PAG1: variants seen among roughly 807,000 people sequenced by gnomAD.
PAG1 encodes phosphoprotein membrane anchor with glycosphingolipid microdomains 1.
A neutral mutation model predicts 31.7 loss-of-function variants in PAG1; 23 were observed. The ratio of observed to expected loss-of-function variants is 0.73; its 90% CI spans 0.52 to 1.03. The LOEUF is 1.03. PAG1 is among the 50% of genes least tolerant of loss of function. The pLI, the probability that PAG1 is intolerant of heterozygous loss-of-function variation, is 0.00. For synonymous variants in PAG1, 214 were observed against 210.3 expected (o/e 1.02, Z -0.15); for missense variants, 473 against 540.7 (o/e 0.87, Z 1.24).
intron 1 of PAG1, among the ~76,000 whole-genome samples, chr8:81,075,999 A>C (rs1809170276): frequency 6.6e-6 from 1 of 152,220 alleles, no homozygotes; most frequent in African/African-American, 2.4e-5. Context: ...CAATGAAATG[A>C]GCCATCCTGA....
chr8:81,084,936 A>C (rs1227628731), intron 1 of PAG1, among the ~76,000 whole-genome samples: 1 of 152,250 alleles, frequency 6.6e-6, no homozygotes, highest in Non-Finnish European at 1.5e-5. Flanking sequence ...CTTTTTTTAC[A>C]GTTCAACATG....
intron 3 of PAG1, among the ~76,000 whole-genome samples, chr8:80,995,599 A>T (rs1807657522): frequency 1.3e-5 from 2 of 152,388 alleles, no homozygotes; most frequent in African/African-American, 2.4e-5. Flanking sequence ...ACATTTTAGG[A>T]ATCACAGACA....
At chr8:81,012,467 T>C (rs903125192) in intron 3 of PAG1, among the ~76,000 whole-genome samples, 7 of 152,260 alleles carry the variant, frequency 4.6e-5, no homozygotes, top group Admixed American at 3.9e-4. Context: ...ATTTGTATCT[T>C]GTGCAACATG....
At chr8:80,993,831 C>A (rs1437784349) in intron 3 of PAG1, among the ~76,000 whole-genome samples, 1 of 152,056 alleles carries the variant, frequency 6.6e-6, no homozygotes, top group African/African-American at 2.4e-5. Context: ...GTCTTGGACT[C>A]CTGGGCTCAA....
At chr8:81,093,204 G>C (rs1809475740) in intron 1 of PAG1, among the ~76,000 whole-genome samples, 1 of 152,156 alleles carries the variant, frequency 6.6e-6, no homozygotes, top group Non-Finnish European at 1.5e-5. Flanking sequence ...ATCTGCCCCA[G>C]GTAAGGCATC....
At chr8:81,013,497 C>A (rs1173992599) in intron 3 of PAG1, among the ~76,000 whole-genome samples, 1 of 152,206 alleles carries the variant, frequency 6.6e-6, no homozygotes, top group African/African-American at 2.4e-5. Flanking sequence ...CCACCTTCAG[C>A]TAGTTGGCCA....
intron 1 of PAG1, among the ~76,000 whole-genome samples, chr8:81,078,635 C>T (rs1395272518): frequency 2.0e-5 from 3 of 152,132 alleles, no homozygotes; most frequent in Non-Finnish European, 2.9e-5. Context: ...TAAATTTCTT[C>T]TTAGTCTCCT....
At position 81,025,240 on chromosome 8, in the gene PAG1, G is replaced by A. The variant is rs574790909; in HGVS notation, c.-81+4756C>T. Among the ~76,000 whole-genome samples the A allele has an allele frequency of 5.9e-5, 9 of 152,082 alleles. No individual in the cohort carries two copies. The South Asian group carries it at 1.9e-3, about 32-fold the overall frequency. ...CCCACCTGAGAAAATATAAAATGTAGGACATTCTGCATTCTACATGTTGCT... is the reference window on the plus strand; with the variant it reads ...CCCACCTGAGAAAATATAAAATGTAAGACATTCTGCATTCTACATGTTGCT... On this transcript the variant is annotated intron_variant, in intron 3 of 8. Coordinates refer to ENST00000220597, the MANE Select transcript of PAG1 (RefSeq NM_018440.4).
intron 1 of PAG1, among the ~76,000 whole-genome samples, chr8:81,071,655 CACTT>C (rs150479355): frequency 0.022 from 3,374 of 152,250 alleles, 45 homozygotes; most frequent in South Asian, 0.04. Flanking sequence ...GTTTAATAAA[CACTT>C]ACTGATAAAT....
chr8:81,029,230 TG>T (rs1165788554), intron 3 of PAG1, among the ~76,000 whole-genome samples: 1 of 152,228 alleles, frequency 6.6e-6, no homozygotes, highest in Non-Finnish European at 1.5e-5. Flanking sequence ...AAGCTGACTA[TG>T]AATTCAGCTG....
intron 3 of PAG1, among the ~76,000 whole-genome samples, chr8:81,028,533 C>T (rs988949689): frequency 1.3e-5 from 2 of 152,188 alleles, no homozygotes; most frequent in Non-Finnish European, 2.9e-5. Context: ...TACTACAGTA[C>T]TTGGATAGGC....
intron 1 of PAG1, among the ~76,000 whole-genome samples, chr8:81,098,844 G>A (rs1035955020): frequency 6.6e-6 from 1 of 152,208 alleles, no homozygotes; most frequent in Non-Finnish European, 1.5e-5. Flanking sequence ...AATGAAGTGT[G>A]TATATGGCAG....
At chr8:81,068,349 C>A (rs1809041587) in intron 2 of PAG1, among the ~76,000 whole-genome samples, 1 of 152,156 alleles carries the variant, frequency 6.6e-6, no homozygotes, top group African/African-American at 2.4e-5. Flanking sequence ...CTACTATTAC[C>A]ACTAAAGTTG....
At chr8:81,110,571 C>T (rs992594511) in intron 1 of PAG1, among the ~76,000 whole-genome samples, 3 of 152,212 alleles carry the variant, frequency 2.0e-5, no homozygotes, top group Non-Finnish European at 2.9e-5. Flanking sequence ...TTAGGCCCAT[C>T]AGTACACTTA....
chr8:81,081,960 T>G (rs892636045), intron 1 of PAG1, among the ~76,000 whole-genome samples: 5 of 152,050 alleles, frequency 3.3e-5, no homozygotes, highest in African/African-American at 1.2e-4. Flanking sequence ...TTGCTGTATC[T>G]CAAAATCCTT....
intron 2 of PAG1, among the ~76,000 whole-genome samples, chr8:81,044,179 T>G (rs1318618557): frequency 6.6e-6 from 1 of 152,208 alleles, no homozygotes; most frequent in Non-Finnish European, 1.5e-5. Flanking sequence ...AGTAATGGGT[T>G]GAATTTTGTC....
intron 1 of PAG1, among the ~76,000 whole-genome samples, chr8:81,087,118 G>T (rs1255175369): frequency 3.9e-5 from 6 of 152,212 alleles, no homozygotes; most frequent in African/African-American, 1.4e-4. Flanking sequence ...GCCAAGGCGG[G>T]CGGATCCCGA....
intron 1 of PAG1, among the ~76,000 whole-genome samples, chr8:81,082,074 G>A (rs543017356): frequency 2.6e-5 from 4 of 151,890 alleles, no homozygotes; most frequent in East Asian, 1.9e-4. Flanking sequence ...CCAACACAGC[G>A]AAACCCCATC....
intron 7 of PAG1, among the ~76,000 whole-genome samples, chr8:80,982,126 A>C (rs1318097009): frequency 6.6e-6 from 1 of 152,122 alleles, no homozygotes; most frequent in East Asian, 1.9e-4. Flanking sequence ...TCGGCCTCCC[A>C]AAGTGTTACG....
Sources: gnomAD v4.1 joint callset for allele counts (sites outside exome capture counted in the v4.1 genomes callset) on GRCh38, gnomAD v4.1.1 for gene constraint, MANE v1.5 for transcripts, NCBI Gene and HGNC (gene_info 2026-07-23, HGNC 2026-07-21) for gene names.